The following TRPC4AP variants were observed in gnomAD, a reference collection of about 807,000 sequenced individuals.
TRPC4AP encodes short transient receptor potential channel 4-associated protein.
A neutral mutation model predicts 99.0 loss-of-function variants in TRPC4AP; 45 were observed. The observed-to-expected ratio is 0.45, with a 90% CI of 0.36 to 0.58. The LOEUF is 0.58. Ranked by LOEUF, TRPC4AP falls within the 20% of genes least tolerant of loss-of-function variation. The probability of loss-of-function intolerance (pLI) is 0.00; values close to 1 mark genes in which losing one functional copy is unlikely to be tolerated. For missense variants in TRPC4AP, 879 were observed against 985.3 expected, an observed-to-expected ratio of 0.89 and a Z score of 1.44; for synonymous variants, 408 against 385.8, an observed-to-expected ratio of 1.06 and a Z score of -0.67.
chr20:35,073,319 AG>A (rs1425424814), intron 2 of TRPC4AP, among the ~76,000 whole-genome samples: 1 of 152,206 alleles, frequency 6.6e-6, no homozygotes, highest in Non-Finnish European at 1.5e-5. Flanking sequence ...TATGTTGAAT[AG>A]GAGTGTGCTG....
At chr20:35,055,199 A>T (rs575403019) in intron 4 of TRPC4AP, among the ~76,000 whole-genome samples, 168 bp from the exon 5 acceptor site, 1 of 152,312 alleles carries the variant, frequency 6.6e-6, no homozygotes, top group Admixed American at 6.5e-5. Context: ...CATAGTGCCC[A>T]TCAGAACCTA....
At position 35,024,825 on chromosome 20, in the gene TRPC4AP, C is replaced by CAAAAA. The variant is rs778161091; in HGVS notation, c.1052-3474_1052-3470dup. ...CCTAGGTGACAGAGAGAGACCGTCT[C>CAAAAA]AAAAAAAAAAAAAAAAAAAAAAAAA... On this transcript the variant is annotated intron_variant, in intron 8 of 18. Transcript: ENST00000252015. 2.2e-3 allele frequency among the ~76,000 whole-genome samples: 78 copies of CAAAAA among 35,848 alleles called. 3 individuals are homozygous for CAAAAA. Among genetic ancestry groups the CAAAAA allele is most frequent in the Admixed American group, 4.4e-3 (11 of 2,490 alleles). The allele number at this position is 35,848 out of a possible 152,430, so 23.5% of individuals were successfully genotyped here. A position where few individuals can be genotyped will look rare whatever the true frequency, so the allele number is the denominator to read the frequency against.
At chr20:35,030,978 G>C (rs1031973705) in intron 8 of TRPC4AP, among the ~76,000 whole-genome samples, 12 of 152,162 alleles carry the variant, frequency 7.9e-5, no homozygotes, top group Non-Finnish European at 1.6e-4. Context: ...CCAGATGTTT[G>C]TCTGTTACTA....
intron 1 of TRPC4AP, among the ~76,000 whole-genome samples, chr20:35,086,539 G>GTATA (rs1569158071): frequency 1.8e-4 from 3 of 16,268 alleles, no homozygotes; most frequent in African/African-American, 5.3e-4. Flanking sequence ...GTGTGTGTGT[G>GTATA]TGTGTGTGTG....
chr20:35,084,520 G>GTATATATGTATA (rs1569154754), intron 1 of TRPC4AP, among the ~76,000 whole-genome samples: 1 of 147,802 alleles, frequency 6.8e-6, no homozygotes, highest in Non-Finnish European at 1.5e-5. Flanking sequence ...ACGTATATAT[G>GTATATATGTATA]TGTATATATG....
At chr20:35,045,074 GCTT>G (rs958225506) in intron 6 of TRPC4AP, among the ~76,000 whole-genome samples, 5 of 152,012 alleles carry the variant, frequency 3.3e-5, no homozygotes, top group African/African-American at 1.2e-4. Context: ...CTACAGATTT[GCTT>G]TTTTAAAAAA....
chr20:35,071,656 C>T (rs563917701), intron 2 of TRPC4AP, among the ~76,000 whole-genome samples: 68 of 152,176 alleles, frequency 4.5e-4, no homozygotes, highest in Non-Finnish European at 8.7e-4. Context: ...TGTATATGTG[C>T]CACATTTTCT....
chr20:35,007,673 G>A (rs2082542779), intron 13 of TRPC4AP, 33 bp from the exon 14 acceptor site: 1 of 1,610,214 alleles, frequency 6.2e-7, no homozygotes, highest in Non-Finnish European at 8.5e-7. Context: ...GGTGGCTAAG[G>A]CTGCCCTCTT....
rs538809046 is a variant in TRPC4AP, at chr20:35,002,417, A to G, written c.*729T>C. On this transcript the variant is annotated 3_prime_UTR_variant, in exon 19 of 19. Coordinates refer to ENST00000252015, the MANE Select transcript of TRPC4AP (RefSeq NM_015638.3). ...GGTCCACAGCAGTCATTTTTAAAAT[A>G]AAGTTATTTAATAGTCTCCATTTAA... 5 of 422,616 alleles carry G rather than the reference A, an allele frequency of 1.2e-5. No homozygotes were observed. The Admixed American group carries it at 1.6e-4, about 14-fold the overall frequency. 26.2% of individuals were successfully genotyped at this position (422,616 alleles called of 1,614,324 possible).
intron 11 of TRPC4AP, among the ~76,000 whole-genome samples, chr20:35,012,290 T>C (rs2082656214): frequency 6.6e-6 from 1 of 152,232 alleles, no homozygotes; most frequent in South Asian, 2.1e-4. Context: ...TAAACCAACA[T>C]TTAAAATCAG....
intron 10 of TRPC4AP, among the ~76,000 whole-genome samples, 168 bp downstream of exon 10, chr20:35,015,840 T>C (rs2082742454): frequency 6.6e-6 from 1 of 152,106 alleles, no homozygotes; most frequent in African/African-American, 2.4e-5. Flanking sequence ...GGAGTGGAGT[T>C]CACTCAGATC....
chr20:35,017,692 T>C (rs1315756856), intron 9 of TRPC4AP, among the ~76,000 whole-genome samples: 2 of 152,130 alleles, frequency 1.3e-5, no homozygotes, highest in African/African-American at 4.8e-5. Flanking sequence ...CCACTACAGG[T>C]ATGCATTTAT....
intron 8 of TRPC4AP, among the ~76,000 whole-genome samples, chr20:35,027,481 C>T (rs2083061269): frequency 6.6e-6 from 1 of 152,144 alleles, no homozygotes; most frequent in South Asian, 2.1e-4. Context: ...ATAAGAGATA[C>T]TGGTCTTGTG....
At chr20:35,074,719 C>A (rs780400709) in intron 2 of TRPC4AP, among the ~76,000 whole-genome samples, 34 of 152,100 alleles carry the variant, frequency 2.2e-4, no homozygotes, top group Admixed American at 3.9e-4. Flanking sequence ...ATAAGTGCGA[C>A]GTGGCGCTGA....
chr20:35,023,813 G>C (rs1182489942), intron 8 of TRPC4AP, among the ~76,000 whole-genome samples: 1 of 152,234 alleles, frequency 6.6e-6, no homozygotes, highest in African/African-American at 2.4e-5. Flanking sequence ...GCACAGTGTG[G>C]GGCACACAAG....
chr20:35,008,042 G>A (rs1569079220), intron 13 of TRPC4AP, among the ~76,000 whole-genome samples: 1 of 152,210 alleles, frequency 6.6e-6, no homozygotes, highest in Non-Finnish European at 1.5e-5. Flanking sequence ...GCTCACAGAC[G>A]ATGGGCTGGC....
At chr20:35,090,920 A>T (rs138295936) in intron 1 of TRPC4AP, among the ~76,000 whole-genome samples, 1 of 116,908 alleles carries the variant, frequency 8.6e-6, no homozygotes, top group Non-Finnish European at 1.7e-5. Context: ...TAAAGATAAC[A>T]TATGCCTTGT....
At chr20:35,072,640 T>C (rs1014673717) in intron 2 of TRPC4AP, among the ~76,000 whole-genome samples, 1 of 152,206 alleles carries the variant, frequency 6.6e-6, no homozygotes, top group Non-Finnish European at 1.5e-5. Flanking sequence ...CACTGGTCTA[T>C]ATCTCTGTTT....
intron 1 of TRPC4AP, among the ~76,000 whole-genome samples, chr20:35,082,465 A>G (rs902313293): frequency 1.3e-5 from 2 of 152,210 alleles, no homozygotes; most frequent in African/African-American, 2.4e-5. Flanking sequence ...ATACTTCTCA[A>G]AAATGCATGG....
Sources: allele counts gnomAD v4.1 joint callset (sites outside exome capture counted in the v4.1 genomes callset), GRCh38; gene constraint gnomAD v4.1.1; transcripts MANE v1.5; gene names NCBI Gene and HGNC (gene_info 2026-07-23, HGNC 2026-07-21).